Variants in ARK2C observed in about 807,000 individuals in gnomAD.
The protein encoded by ARK2C is arkadia (RNF111) C-terminal like ring finger ubiquitin ligase 2C, also known as E3 ubiquitin-protein ligase ARK2C.
chr18:46,408,497 A>C, the ARK2C span, among the ~76,000 whole-genome samples: 1 of 152,190 alleles, frequency 6.6e-6, no homozygotes, highest in Non-Finnish European at 1.5e-5. Context: ...AACCCATTAA[A>C]ACCCACCAGC....
the ARK2C span, among the ~76,000 whole-genome samples, chr18:46,409,389 C>G: frequency 6.6e-6 from 1 of 152,144 alleles, no homozygotes; most frequent in Non-Finnish European, 1.5e-5. Flanking sequence ...TGAGGTTTGG[C>G]CCATCTGCAG....
At chr18:46,431,609 T>C in the ARK2C span, among the ~76,000 whole-genome samples, 1 of 152,090 alleles carries the variant, frequency 6.6e-6, no homozygotes, top group Non-Finnish European at 1.5e-5. Context: ...CAAAGTTCCA[T>C]ATTCAGACTT....
At chr18:46,414,052 A>G in the ARK2C span, among the ~76,000 whole-genome samples, 1 of 152,170 alleles carries the variant, frequency 6.6e-6, no homozygotes, top group Admixed American at 6.5e-5. Context: ...GGTGCTCTAC[A>G]ATTTTCAAGG....
chr18:46,455,890 G>A, the ARK2C span: 14 of 754,710 alleles, frequency 1.9e-5, no homozygotes, highest in East Asian at 1.9e-4. Context: ...ACTCCCAGGG[G>A]AAGAGCAGGC....
the ARK2C span, among the ~76,000 whole-genome samples, chr18:46,422,005 A>G: frequency 1.9e-4 from 29 of 152,320 alleles, no homozygotes; most frequent in African/African-American, 6.7e-4. Flanking sequence ...GGAGGAAAGC[A>G]GACCCATGGC....
chr18:46,391,124 G>A, the ARK2C span, among the ~76,000 whole-genome samples: 1 of 152,160 alleles, frequency 6.6e-6, no homozygotes, highest in Admixed American at 6.5e-5. Flanking sequence ...GGACAAAATG[G>A]CACCAATCGC....
the ARK2C span, among the ~76,000 whole-genome samples, chr18:46,349,922 T>C: frequency 6.6e-6 from 1 of 152,296 alleles, no homozygotes; most frequent in East Asian, 1.9e-4. Flanking sequence ...TACACATTCA[T>C]CCACAGTTCA....
At chr18:46,422,416 G>T in the ARK2C span, among the ~76,000 whole-genome samples, 2 of 152,218 alleles carry the variant, frequency 1.3e-5, no homozygotes, top group Non-Finnish European at 2.9e-5. Context: ...CAGGAAACAA[G>T]ATTCTGAGCT....
chr18:46,406,413 G>A, the ARK2C span, among the ~76,000 whole-genome samples: 1 of 152,224 alleles, frequency 6.6e-6, no homozygotes, highest in African/African-American at 2.4e-5. Context: ...TCCAGCCTCT[G>A]AGGACTGGAA....
the ARK2C span, chr18:46,456,066 T>C: frequency 1.9e-6 from 3 of 1,606,782 alleles, no homozygotes; most frequent in African/African-American, 2.7e-5. Flanking sequence ...TGCTGGAAGA[T>C]GGAGAAGATG....
the ARK2C span, among the ~76,000 whole-genome samples, chr18:46,435,660 AG>A: frequency 6.6e-6 from 1 of 152,034 alleles, no homozygotes; most frequent in Non-Finnish European, 1.5e-5. Context: ...GCAGTGGGGG[AG>A]GGGGACAGGG....
chr18:46,454,798 A>G, the ARK2C span, among the ~76,000 whole-genome samples: 2 of 152,152 alleles, frequency 1.3e-5, no homozygotes, highest in Non-Finnish European at 2.9e-5. Context: ...TTATTGTTAG[A>G]CTGTTTCATG....
chr18:46,370,395 T>A, the ARK2C span, among the ~76,000 whole-genome samples: 1 of 152,168 alleles, frequency 6.6e-6, no homozygotes. Context: ...AGAGCTTGTG[T>A]CTTCAACCAA....
chr18:46,385,020 C>G, the ARK2C span, among the ~76,000 whole-genome samples: 3 of 152,196 alleles, frequency 2.0e-5, no homozygotes, highest in East Asian at 5.8e-4. Context: ...TTCCCTCCCC[C>G]TCAAAGATTT....
chr18:46,355,168 G>A, the ARK2C span, among the ~76,000 whole-genome samples: 4 of 152,160 alleles, frequency 2.6e-5, no homozygotes, highest in East Asian at 7.7e-4. Flanking sequence ...GGCCAGGTTG[G>A]TCTGGAACTC....
At chr18:46,400,142 A>C in the ARK2C span, among the ~76,000 whole-genome samples, 7 of 152,252 alleles carry the variant, frequency 4.6e-5, no homozygotes, top group South Asian at 1.5e-3. Flanking sequence ...CTCCAGCTCC[A>C]GCTCTAGGCC....
chr18:46,358,323 G>T, the ARK2C span, among the ~76,000 whole-genome samples: 1 of 152,150 alleles, frequency 6.6e-6, no homozygotes, highest in African/African-American at 2.4e-5. Flanking sequence ...TACATGGGGA[G>T]CAGGGCCTAG....
the ARK2C span, among the ~76,000 whole-genome samples, chr18:46,417,999 TAAAAA>T: frequency 2.7e-5 from 4 of 145,898 alleles, no homozygotes; most frequent in Non-Finnish European, 6.0e-5. Flanking sequence ...GCAAGACTCT[TAAAAA>T]AAAAAAGTAT....
chr18:46,417,479 C>T, the ARK2C span, among the ~76,000 whole-genome samples: 5 of 152,236 alleles, frequency 3.3e-5, no homozygotes, highest in Non-Finnish European at 5.9e-5. Flanking sequence ...GTTCTGTCTG[C>T]CCAGAAAGCA....
Sources: allele counts gnomAD v4.1 joint callset (sites outside exome capture counted in the v4.1 genomes callset), GRCh38; gene constraint gnomAD v4.1.1; transcripts MANE v1.5; gene names NCBI Gene and HGNC (gene_info 2026-07-23, HGNC 2026-07-21).